The following PRDM5 variants were observed in gnomAD, a reference collection of about 807,000 sequenced individuals.
PRDM5 encodes PR domain zinc finger protein 5.
In PRDM5, 56 loss-of-function variants were observed where a neutral mutation model predicts 81.2. The observed-to-expected ratio is 0.69, with a 90% CI of 0.56 to 0.86. The LOEUF is 0.86. PRDM5 is among the 40% of genes least tolerant of loss of function. PRDM5 has a pLI of 0.00. For missense variants in PRDM5, 697 were observed against 770.1 expected (o/e 0.91, Z 1.12); for synonymous variants, 267 against 256.4 (o/e 1.04, Z -0.39).
intron 2 of PRDM5, among the ~76,000 whole-genome samples, chr4:120,893,753 A>G (rs1579146768): frequency 6.6e-6 from 1 of 152,212 alleles, no homozygotes; most frequent in East Asian, 1.9e-4. Flanking sequence ...TCGCATTCAC[A>G]TTCGGAACAT....
At chr4:120,752,486 T>C (rs1369781627) in intron 14 of PRDM5, among the ~76,000 whole-genome samples, 2 of 152,186 alleles carry the variant, frequency 1.3e-5, no homozygotes, top group Non-Finnish European at 2.9e-5. Flanking sequence ...GTTTTCTTTT[T>C]GTGCAGTTAA....
chr4:120,748,070 A>G (rs531952932), intron 14 of PRDM5, among the ~76,000 whole-genome samples: 1 of 152,230 alleles, frequency 6.6e-6, no homozygotes, highest in Admixed American at 6.5e-5. Context: ...TTTTGGCTCA[A>G]TGTGTCTAAT....
intron 14 of PRDM5, among the ~76,000 whole-genome samples, chr4:120,742,890 C>A (rs959716469): frequency 2.0e-5 from 3 of 152,086 alleles, no homozygotes; most frequent in African/African-American, 4.8e-5. Flanking sequence ...CCCAATCTAG[C>A]AAGGCAGGCC....
intron 3 of PRDM5, among the ~76,000 whole-genome samples, chr4:120,845,136 G>A (rs943643623): frequency 9.2e-5 from 14 of 152,222 alleles, no homozygotes; most frequent in South Asian, 8.3e-4. Flanking sequence ...TAACACAAAA[G>A]TACAAGGTGA....
At chr4:120,704,272 C>A (rs1001385747) in intron 15 of PRDM5, among the ~76,000 whole-genome samples, 10 of 152,212 alleles carry the variant, frequency 6.6e-5, no homozygotes, top group African/African-American at 2.4e-4. Context: ...TTTTCATGAA[C>A]CTGAATGCAG....
intron 2 of PRDM5, among the ~76,000 whole-genome samples, chr4:120,855,346 C>T (rs2148476812): frequency 6.6e-6 from 1 of 152,206 alleles, no homozygotes; most frequent in East Asian, 1.9e-4. Context: ...CTATAAATAC[C>T]TCATATTTAC....
At chr4:120,836,775 G>C (rs762056932) in intron 3 of PRDM5, among the ~76,000 whole-genome samples, 1 of 152,112 alleles carries the variant, frequency 6.6e-6, no homozygotes, top group Non-Finnish European at 1.5e-5. Context: ...CCACTTTCAA[G>C]CTCTATATAC....
intron 1 of PRDM5, among the ~76,000 whole-genome samples, chr4:120,911,627 A>C (rs1041089371): frequency 2.6e-5 from 4 of 152,340 alleles, no homozygotes; most frequent in Middle Eastern, 3.4e-3. Flanking sequence ...CACTGCAGAT[A>C]TCTCTCTCAG....
intron 1 of PRDM5, among the ~76,000 whole-genome samples, chr4:120,922,171 G>C (rs1468344797): frequency 2.6e-5 from 4 of 152,234 alleles, no homozygotes; most frequent in African/African-American, 9.6e-5. Context: ...GCTCACACCC[G>C]TAACCGAGGA....
chr4:120,816,682 G>T, intron 6 of PRDM5, 108 bp from the exon 7 acceptor site: 2 of 1,564,842 alleles, frequency 1.3e-6, no homozygotes, highest in South Asian at 2.2e-5. Context: ...AGAGTTTCGG[G>T]GTCATTCCAT....
chr4:120,891,465 T>C (rs1764037557), intron 2 of PRDM5, among the ~76,000 whole-genome samples: 1 of 152,188 alleles, frequency 6.6e-6, no homozygotes, highest in Admixed American at 6.5e-5. Context: ...ACCTCATTTA[T>C]GCTTTCAGAG....
chr4:120,895,594 GTCT>G (rs1440850175), intron 2 of PRDM5: 1 of 152,102 alleles, frequency 6.6e-6, no homozygotes, highest in Non-Finnish European at 1.5e-5. Flanking sequence ...TATGTTTCAA[GTCT>G]TCTTCATCAT....
At chr4:120,740,532 G>A (rs770590348) in intron 14 of PRDM5, among the ~76,000 whole-genome samples, 3 of 151,994 alleles carry the variant, frequency 2.0e-5, no homozygotes, top group Non-Finnish European at 2.9e-5. Context: ...CCTGGTAGGC[G>A]TCCTAGATTC....
chr4:120,738,863 C>T (rs1380100065), intron 14 of PRDM5, among the ~76,000 whole-genome samples: 2 of 152,068 alleles, frequency 1.3e-5, no homozygotes, highest in Admixed American at 1.3e-4. Flanking sequence ...AAACTTAATA[C>T]ATTATTATTG....
At chr4:120,793,483 C>A (rs74730415) in intron 10 of PRDM5, among the ~76,000 whole-genome samples, 30,084 of 152,008 alleles carry the variant, frequency 0.2, 3,614 homozygotes, top group Non-Finnish European at 0.28. Flanking sequence ...CCATCCCCTG[C>A]CCAACACTGG....
At chr4:120,833,044 T>C (rs1480903419) in intron 3 of PRDM5, among the ~76,000 whole-genome samples, 2 of 152,258 alleles carry the variant, frequency 1.3e-5, no homozygotes, top group East Asian at 3.9e-4. Flanking sequence ...CCTTTCCCCC[T>C]GGACTTTATA....
intron 2 of PRDM5, chr4:120,885,758 C>T (rs1326727194): frequency 6.7e-6 from 1 of 149,798 alleles, no homozygotes; most frequent in Non-Finnish European, 1.5e-5. Context: ...CACACCACTG[C>T]ACTCCAGTCG....
At chr4:120,878,307 G>T (rs1762520661) in intron 2 of PRDM5, among the ~76,000 whole-genome samples, 1 of 152,114 alleles carries the variant, frequency 6.6e-6, no homozygotes, top group Admixed American at 6.6e-5. Flanking sequence ...GCAATTCAAT[G>T]GGAAAAGGAT....
At chr4:120,839,237 T>C (rs1229358274) in intron 3 of PRDM5, 1 of 703,122 alleles carries the variant, frequency 1.4e-6, no homozygotes, top group East Asian at 2.7e-5. Flanking sequence ...GTTACAGCTC[T>C]TTTAGCCTCG....
Sources: gnomAD v4.1 joint callset for allele counts (sites outside exome capture counted in the v4.1 genomes callset) on GRCh38, gnomAD v4.1.1 for gene constraint, MANE v1.5 for transcripts, NCBI Gene and HGNC (gene_info 2026-07-23, HGNC 2026-07-21) for gene names.